The following ABCB7 variants were observed in gnomAD, a reference collection of about 807,000 sequenced individuals.
The protein encoded by ABCB7 is iron-sulfur clusters transporter ABCB7, mitochondrial.
ABCB7 carries 7 observed loss-of-function variants against 54.4 expected under a neutral mutation model. The ratio of observed to expected loss-of-function variants is 0.13; its 90% CI spans 0.07 to 0.24. ABCB7 has a LOEUF of 0.24. Among genes scored for constraint, ABCB7 ranks in the 10% least tolerant of loss-of-function variants. The pLI is 1.00. For missense variants in ABCB7, 356 were observed against 570.4 expected, an observed-to-expected ratio of 0.62 and a Z score of 3.83; for synonymous variants, 218 against 207.1, an observed-to-expected ratio of 1.05 and a Z score of -0.45.
intron 1 of ABCB7, among the ~76,000 whole-genome samples, chrX:75,155,133 A>C (rs1174978249): frequency 8.9e-6 from 1 of 112,798 alleles, no homozygotes; most frequent in Non-Finnish European, 1.9e-5. Context: ...CATAGATCCA[A>C]TCTCCTTAAC....
chrX:75,111,939 TCTCA>T (rs1362869728), intron 3 of ABCB7, among the ~76,000 whole-genome samples: 1 of 111,750 alleles, frequency 8.9e-6, no homozygotes, highest in Non-Finnish European at 1.9e-5. Flanking sequence ...GACAAACAAA[TCTCA>T]CTATTTGGGT....
At chrX:75,093,647 T>C (rs1250967643) in intron 4 of ABCB7, among the ~76,000 whole-genome samples, 2 of 109,845 alleles carry the variant, frequency 1.8e-5, no homozygotes, top group African/African-American at 6.6e-5. Context: ...TAATGCAAGA[T>C]GTTAATAACA....
At chrX:75,076,697 C>T (rs937232607) in intron 4 of ABCB7, 43 bp from the exon 5 acceptor site, 1 of 1,151,900 alleles carries the variant, frequency 8.7e-7, no homozygotes, top group Non-Finnish European at 1.2e-6. Flanking sequence ...ACACAAAATA[C>T]TTATTTATAA....
intron 1 of ABCB7, among the ~76,000 whole-genome samples, chrX:75,128,166 G>C (rs2081948158): frequency 9.0e-6 from 1 of 111,404 alleles, no homozygotes; most frequent in African/African-American, 3.3e-5. Context: ...AAAGAAAAAA[G>C]CTGGAGGCAT....
intron 4 of ABCB7, among the ~76,000 whole-genome samples, chrX:75,079,767 G>A (rs956497894): frequency 1.8e-4 from 20 of 111,343 alleles, no homozygotes; most frequent in African/African-American, 6.2e-4. Flanking sequence ...CAATTTTACC[G>A]CACGTTCAGA....
chrX:75,139,290 T>C (rs972958676), intron 1 of ABCB7, among the ~76,000 whole-genome samples: 3 of 111,961 alleles, frequency 2.7e-5, no homozygotes, highest in African/African-American at 6.5e-5. Context: ...CAGTCATATC[T>C]CTCCCATCTC....
At chrX:75,081,973 CACTT>C (rs2081459273) in intron 4 of ABCB7, among the ~76,000 whole-genome samples, 1 of 109,231 alleles carries the variant, frequency 9.2e-6, no homozygotes, top group East Asian at 2.8e-4. Flanking sequence ...TGTAACAAAA[CACTT>C]ACCATCCTTT....
intron 4 of ABCB7, among the ~76,000 whole-genome samples, chrX:75,093,125 C>T (rs2081558395): frequency 8.9e-6 from 1 of 112,019 alleles, no homozygotes; most frequent in African/African-American, 3.2e-5. Flanking sequence ...ATGTTTACTG[C>T]AGCTTTATTA....
chrX:75,153,270 G>A (rs1444653145), intron 1 of ABCB7, among the ~76,000 whole-genome samples: 1 of 110,787 alleles, frequency 9.0e-6, no homozygotes, highest in Non-Finnish European at 1.9e-5. Context: ...TAGTACAGAC[G>A]AGGTTTCACC....
rs1427686797 is a variant in ABCB7, at chrX:75,066,378, TAAACTC to T, written c.1660-1143_1660-1138del. Among the ~76,000 whole-genome samples, 4 of 111,832 alleles carry T rather than the reference TAAACTC, an allele frequency of 3.6e-5. No individual in the cohort carries two copies. The South Asian group carries it at 1.1e-3, about 31-fold the overall frequency. ...AAATTTCTCATATTGAGACAATACTTAAACTCAATAAGCTCATTGTATAAACAGAAA... is the reference window on the plus strand; with the variant it reads ...AAATTTCTCATATTGAGACAATACTTAATAAGCTCATTGTATAAACAGAAA... On this transcript the variant is annotated intron_variant, in intron 12 of 15. Transcript: ENST00000373394.
chrX:75,107,306 A>G (rs1343114207), intron 3 of ABCB7, among the ~76,000 whole-genome samples: 2 of 111,386 alleles, frequency 1.8e-5, no homozygotes, highest in Admixed American at 9.5e-5. Context: ...GGTGAGCCCT[A>G]GTACCGAACT....
chrX:75,075,105 T>TA (rs1388050712), intron 6 of ABCB7, among the ~76,000 whole-genome samples: 1 of 112,026 alleles, frequency 8.9e-6, no homozygotes, highest in Admixed American at 9.5e-5. Flanking sequence ...ATCTCTGCTT[T>TA]AAAAAAACCT....
Position 75,069,093 on chromosome X carries a change from G to A in ABCB7, c.1573C>T (p.Gln525Ter). ...VRLLFRFYEP[Q>*]KGSIYLAGQN... ...CCAGCAAGATAAATGCTACCCTTTTGAGGCTCATAGAAGCGAAATAATAGC... is the reference window on the plus strand; with the variant it reads ...CCAGCAAGATAAATGCTACCCTTTTAAGGCTCATAGAAGCGAAATAATAGC... The change falls in exon 12 of 16, where the codon CAA becomes TAA. Residue 525 changes from glutamine (Q) to a stop codon, truncating the protein, a stop_gained. Coordinates refer to ENST00000373394, the MANE Select transcript of ABCB7 (RefSeq NM_001271696.3). LOFTEE classifies it high-confidence loss of function. 1 of 1,209,109 alleles carries A rather than the reference G, an allele frequency of 8.3e-7. No homozygotes were observed. The highest frequency in any genetic ancestry group is 1.1e-6 in the Non-Finnish European group (1 of 893,261).
intron 1 of ABCB7, among the ~76,000 whole-genome samples, chrX:75,143,734 A>T (rs1273368450): frequency 9.0e-6 from 1 of 110,838 alleles, no homozygotes; most frequent in Non-Finnish European, 1.9e-5. Flanking sequence ...AGGCAAAGAG[A>T]GCTTGTGTAG....
chrX:75,104,047 G>GTTTTTTTT lies in ABCB7; in HGVS notation c.334-4994_334-4987dup, dbSNP rs757074347. Among the ~76,000 whole-genome samples, 65 of 13,438 alleles carry GTTTTTTTT rather than the reference G, an allele frequency of 4.8e-3. 18 individuals carry two copies. Among genetic ancestry groups the GTTTTTTTT allele is most frequent in the East Asian group, 0.043 (6 of 139 alleles). The allele number at this position is 13,438 out of a possible 115,157, so 11.7% of individuals were successfully genotyped here. On this transcript the variant is annotated intron_variant, in intron 3 of 15. Coordinates refer to ENST00000373394, the MANE Select transcript of ABCB7 (RefSeq NM_001271696.3). ...AAATGGGCATCCCTGTCTTGTTACA[G>GTTTTTTTT]TTTTTTTTTTTTTTTTTTTTTTTTT...
chrX:75,100,589 A>T (rs1231023649), intron 3 of ABCB7, among the ~76,000 whole-genome samples: 3 of 111,283 alleles, frequency 2.7e-5, no homozygotes, highest in African/African-American at 6.5e-5. Context: ...CCAACAGCTC[A>T]AATAGCATTT....
chrX:75,129,505 T>C (rs929067833), intron 1 of ABCB7, among the ~76,000 whole-genome samples: 7 of 109,017 alleles, frequency 6.4e-5, no homozygotes, highest in Non-Finnish European at 9.5e-5. Context: ...AGATGACGGG[T>C]TGATGGATGC....
chrX:75,138,223 T>TACACAC (rs60844679), intron 1 of ABCB7, among the ~76,000 whole-genome samples: 1,109 of 99,421 alleles, frequency 0.011, 19 homozygotes, highest in African/African-American at 0.039. Flanking sequence ...GCAACCCTCA[T>TACACAC]ACACACACAC....
At chrX:75,144,313 T>C (rs1348026046) in intron 1 of ABCB7, among the ~76,000 whole-genome samples, 2 of 112,049 alleles carry the variant, frequency 1.8e-5, no homozygotes, top group Non-Finnish European at 1.9e-5. Flanking sequence ...TGAAATATAA[T>C]AGCTACTTAG....
Sources: gnomAD v4.1 joint callset for allele counts (sites outside exome capture counted in the v4.1 genomes callset) on GRCh38, gnomAD v4.1.1 for gene constraint, MANE v1.5 for transcripts, NCBI Gene and HGNC (gene_info 2026-07-23, HGNC 2026-07-21) for gene names.